The following NLGN4X variants were observed in gnomAD, a reference collection of about 807,000 sequenced individuals.
The protein encoded by NLGN4X is neuroligin-4, X-linked.
In NLGN4X, 3 loss-of-function variants were observed where a neutral mutation model predicts 40.3. That is an observed-to-expected ratio of 0.07 (90% CI 0.03 to 0.19). NLGN4X has a LOEUF of 0.19. Among genes scored for constraint, NLGN4X ranks in the 10% least tolerant of loss-of-function variants. NLGN4X has a pLI of 1.00. For synonymous variants in NLGN4X, 270 were observed against 306.8 expected, an observed-to-expected ratio of 0.88 and a Z score of 1.25; for missense variants, 382 against 708.3, an observed-to-expected ratio of 0.54 and a Z score of 5.23.
chrX:6,208,721 C>G (rs1402589822), intron 1 of NLGN4X, among the ~76,000 whole-genome samples: 1 of 111,710 alleles, frequency 9.0e-6, no homozygotes, highest in Admixed American at 9.6e-5. Context: ...ATGTCAAACT[C>G]AAAACATAAC....
At chrX:6,010,513 T>TTTATTATTATTA (rs58321620) in intron 3 of NLGN4X, among the ~76,000 whole-genome samples, 3,296 of 95,351 alleles carry the variant, frequency 0.035, 49 homozygotes, top group African/African-American at 0.047. Context: ...TTCTTTTTAT[T>TTTATTATTATTA]TTATTATTAT....
At chrX:6,008,283 C>T (rs962319803) in intron 3 of NLGN4X, among the ~76,000 whole-genome samples, 2 of 112,021 alleles carry the variant, frequency 1.8e-5, no homozygotes, top group East Asian at 5.6e-4. Flanking sequence ...CACTAATCTA[C>T]TTTCTGTCTC....
chrX:5,954,391 C>CTTTTT (rs764108500), intron 3 of NLGN4X, among the ~76,000 whole-genome samples: 2 of 55,868 alleles, frequency 3.6e-5, no homozygotes, highest in Non-Finnish European at 6.3e-5. Context: ...GCTTGGCTAA[C>CTTTTT]TTTTTTTTTT....
At chrX:6,036,610 GCACACACACACACACACACA>G (rs55801725) in intron 2 of NLGN4X, among the ~76,000 whole-genome samples, 2 of 93,562 alleles carry the variant, frequency 2.1e-5, no homozygotes, top group African/African-American at 4.0e-5. Flanking sequence ...TGTGGCTGGC[GCACACACACACACACACACA>G]CACACACACA....
Position 6,226,856 on chromosome X carries a change from C to G in NLGN4X, c.-306+1685G>C, listed in dbSNP as rs191108605. 612 of 121,598 alleles carry G rather than the reference C, an allele frequency of 5.0e-3. 5 individuals carry two copies. The highest frequency in any genetic ancestry group is 7.0e-3 in the Non-Finnish European group (418 of 59,296). 10.0% of individuals were successfully genotyped at this position (121,598 alleles called of 1,213,427 possible). On this transcript the variant is annotated intron_variant, in intron 1 of 5. Transcript: ENST00000381095. ...CACCCACGCATCATCTGCAGCCGAG[C>G]GGCACCTACCTCCCTCTCCCTACCT...
intron 2 of NLGN4X, among the ~76,000 whole-genome samples, chrX:6,038,778 T>G (rs905359531): frequency 2.7e-5 from 3 of 111,929 alleles, no homozygotes; most frequent in Non-Finnish European, 3.8e-5. Flanking sequence ...TTATAAACCC[T>G]GGCAGAAAAG....
intron 2 of NLGN4X, among the ~76,000 whole-genome samples, chrX:6,077,530 C>T (rs1481473064): frequency 1.8e-5 from 2 of 110,539 alleles, no homozygotes; most frequent in Non-Finnish European, 3.8e-5. Context: ...GTCAAGCAAT[C>T]CTCCTGCCTC....
intron 3 of NLGN4X, among the ~76,000 whole-genome samples, chrX:5,927,400 G>A (rs1189884759): frequency 1.8e-5 from 2 of 111,923 alleles, no homozygotes; most frequent in Non-Finnish European, 3.8e-5. Context: ...TGGAGATGTA[G>A]AATGTGTCAA....
At chrX:6,145,350 C>T (rs1288930069) in intron 2 of NLGN4X, among the ~76,000 whole-genome samples, 1 of 112,206 alleles carries the variant, frequency 8.9e-6, no homozygotes, top group African/African-American at 3.2e-5. Context: ...CAGAAAGAAG[C>T]AAAGAACGAG....
chrX:6,138,320 CT>C (rs2039868971), intron 2 of NLGN4X, among the ~76,000 whole-genome samples: 1 of 111,236 alleles, frequency 9.0e-6, no homozygotes, highest in Non-Finnish European at 1.9e-5. Context: ...GAAGAGGATG[CT>C]TGCAAAAGAC....
At chrX:6,065,878 T>C (rs190575935) in intron 2 of NLGN4X, among the ~76,000 whole-genome samples, 3 of 112,105 alleles carry the variant, frequency 2.7e-5, no homozygotes, top group Non-Finnish European at 1.9e-5. Context: ...TTTTAAAATG[T>C]TAAATCAAAA....
intron 3 of NLGN4X, among the ~76,000 whole-genome samples, chrX:5,990,345 C>T (rs151127798): frequency 0.072 from 7,924 of 110,636 alleles, 695 homozygotes; most frequent in African/African-American, 0.25. Flanking sequence ...AACAGAATCA[C>T]GTGCTGCAGA....
rs147576288 is a variant in NLGN4X at position 5,898,358 on chromosome X, C to T, written c.1602-4692G>A. 6.4e-3 allele frequency among the ~76,000 whole-genome samples: 645 copies of T among 100,629 alleles called. 4 individuals are homozygous for T. The highest frequency in any genetic ancestry group is 0.022 in the African/African-American group (612 of 27,403). 87.4% of individuals were successfully genotyped at this position (100,629 alleles called of 115,157 possible). A position where few individuals can be genotyped will look rare whatever the true frequency, so the allele number is the denominator to read the frequency against. On this transcript the variant is annotated intron_variant, in intron 5 of 5. Coordinates refer to ENST00000381095, the MANE Select transcript of NLGN4X (RefSeq NM_181332.3). ...TTCCTTTGTCTGAACTCTCTTTCCT[C>T]CATTCCCTCCCTCCTTCCTTCCTTT...
At chrX:5,998,064 C>T (rs1487387994) in intron 3 of NLGN4X, among the ~76,000 whole-genome samples, 1 of 111,543 alleles carries the variant, frequency 9.0e-6, no homozygotes, top group Non-Finnish European at 1.9e-5. Flanking sequence ...TCTGATATTT[C>T]CAGGTATGCT....
intron 2 of NLGN4X, among the ~76,000 whole-genome samples, chrX:6,052,050 G>C (rs2147296492): frequency 9.0e-6 from 1 of 110,506 alleles, no homozygotes; most frequent in African/African-American, 3.3e-5. Flanking sequence ...GCTGCCTGGG[G>C]GACCTCTAGG....
chrX:6,105,580 T>C (rs774110355), intron 2 of NLGN4X, among the ~76,000 whole-genome samples: 41 of 111,638 alleles, frequency 3.7e-4, no homozygotes, highest in Non-Finnish European at 6.6e-4. Flanking sequence ...CTCATTAATG[T>C]TAATGGGGAA....
At chrX:6,096,526 C>T in intron 2 of NLGN4X, among the ~76,000 whole-genome samples, 1 of 111,661 alleles carries the variant, frequency 9.0e-6, no homozygotes, top group East Asian at 2.8e-4. Context: ...ATTGAATTCG[C>T]AATGCAGCTG....
intron 3 of NLGN4X, among the ~76,000 whole-genome samples, chrX:5,956,724 T>C (rs1327927543): frequency 9.0e-6 from 1 of 111,608 alleles, no homozygotes; most frequent in Non-Finnish European, 1.9e-5. Context: ...AGGGAAAACA[T>C]TTGAAAACTG....
chrX:6,149,533 A>T (rs1415894047), intron 2 of NLGN4X, among the ~76,000 whole-genome samples: 2 of 110,749 alleles, frequency 1.8e-5, no homozygotes, highest in Admixed American at 9.7e-5. Context: ...TATTCATCTC[A>T]CACACACACA....
Sources: gnomAD v4.1 joint callset for allele counts (sites outside exome capture counted in the v4.1 genomes callset) on GRCh38, gnomAD v4.1.1 for gene constraint, MANE v1.5 for transcripts, NCBI Gene and HGNC (gene_info 2026-07-23, HGNC 2026-07-21) for gene names.